Variants in RAP1GAP observed in about 807,000 individuals in gnomAD.
RAP1GAP encodes rap1 GTPase-activating protein 1.
RAP1GAP carries 35 observed loss-of-function variants against 87.2 expected under a neutral mutation model. The ratio of observed to expected loss-of-function variants is 0.40; its 90% CI spans 0.31 to 0.53. The LOEUF is 0.53. RAP1GAP is among the 20% of genes least tolerant of loss of function. RAP1GAP has a pLI of 0.48. For missense variants in RAP1GAP, 734 were observed against 898.9 expected, an observed-to-expected ratio of 0.82 and a Z score of 2.35; for synonymous variants, 375 against 363.9, an observed-to-expected ratio of 1.03 and a Z score of -0.35.
At chr1:21,648,326 G>C (rs1368857859) in intron 2 of RAP1GAP, among the ~76,000 whole-genome samples, 2 of 152,180 alleles carry the variant, frequency 1.3e-5, no homozygotes, top group Non-Finnish European at 2.9e-5. Context: ...CCCTGTCTCT[G>C]AGTCTTCCCT....
rs1308906141 is a variant in RAP1GAP, at chr1:21,617,323, T to C, written c.274A>G (p.Lys92Glu). 6 of 1,581,354 alleles carry C rather than the reference T, an allele frequency of 3.8e-6. No individual in the cohort carries two copies. The highest frequency in any genetic ancestry group is 5.2e-6 in the Non-Finnish European group (6 of 1,163,236). Residue 92 changes from lysine (K) to glutamate (E), a missense_variant, in exon 7 of 25, where the codon AAG (lysine) becomes GAG (glutamate). Around this residue, in one of 2 missense-constraint regions of RAP1GAP, gnomAD observed 485 missense variants for 646.2 expected, o/e 0.75. Transcript: ENST00000374765. ...ECNPTARIYR[K>E]HFLGKEHFNY... ...CCACCCACCTTGCCGAGAAAGTGCT[T>C]CCGGTAGATGCGGGCTGTGGGGTTG...
intron 22 of RAP1GAP, 86 bp downstream of exon 22, chr1:21,598,314 T>G: frequency 8.1e-7 from 1 of 1,236,282 alleles, no homozygotes; most frequent in Non-Finnish European, 1.2e-6. Context: ...ATCCACTGCA[T>G]GGGGCATGGG....
rs1349479579 is a variant in RAP1GAP, at chr1:21,596,339, AG to A, written c.*959del. The A allele has an allele frequency of 6.6e-6, 1 of 152,248 alleles. No individual in the cohort carries two copies. The highest frequency in any genetic ancestry group is 2.4e-5 in the African/African-American group (1 of 41,460). 9.4% of individuals were successfully genotyped at this position (152,248 alleles called of 1,614,324 possible). Reference sequence around the variant, plus strand: ...CTGGCCTTTGGCGTGACGCCTAAAAAGTGTGACCAGACACACAAGGGCTCCC... The same window carrying A: ...CTGGCCTTTGGCGTGACGCCTAAAAATGTGACCAGACACACAAGGGCTCCC... On this transcript the variant is annotated 3_prime_UTR_variant, in exon 25 of 25. Coordinates refer to ENST00000374765, the MANE Select transcript of RAP1GAP (RefSeq NM_002885.4).
chr1:21,611,333 G>A (rs1570640778), intron 13 of RAP1GAP, 119 bp downstream of exon 13: 1 of 1,372,018 alleles, frequency 7.3e-7, no homozygotes, highest in Non-Finnish European at 9.8e-7. Context: ...TGGGGGCGCT[G>A]ATCATTTCCA....
intron 2 of RAP1GAP, among the ~76,000 whole-genome samples, chr1:21,647,715 C>T (rs2128699): frequency 0.66 from 100,220 of 152,094 alleles, 33,218 homozygotes; most frequent in Middle Eastern, 0.77. Context: ...CTGCCATGCT[C>T]TTTCCCCTAC....
chr1:21,637,582 A>G (rs1571133524), intron 2 of RAP1GAP, among the ~76,000 whole-genome samples: 1 of 152,188 alleles, frequency 6.6e-6, no homozygotes, highest in African/African-American at 2.4e-5. Flanking sequence ...TTCTCCAGAA[A>G]TATAACACCA....
intron 2 of RAP1GAP, among the ~76,000 whole-genome samples, chr1:21,640,707 C>T (rs1181446481): frequency 6.6e-6 from 1 of 152,154 alleles, no homozygotes; most frequent in African/African-American, 2.4e-5. Flanking sequence ...GTCTTTGCGC[C>T]AGGTAGATCC....
intron 13 of RAP1GAP, 67 bp from the exon 14 acceptor site, chr1:21,610,342 C>A (rs116251894): frequency 0.039 from 61,470 of 1,575,962 alleles, 1,501 homozygotes; most frequent in Non-Finnish European, 0.044. Context: ...GGGGTGCCCA[C>A]GGGGGTTTAG....
chr1:21,649,647 G>T, intron 2 of RAP1GAP, 114 bp downstream of exon 2: 1 of 1,253,726 alleles, frequency 8.0e-7, no homozygotes, highest in Non-Finnish European at 1.1e-6. Flanking sequence ...CTGAGAGGAT[G>T]GTTGGAAGCT....
intron 7 of RAP1GAP, among the ~76,000 whole-genome samples, chr1:21,614,668 GGGA>G (rs2080814930): frequency 6.6e-6 from 1 of 152,180 alleles, no homozygotes; most frequent in Non-Finnish European, 1.5e-5. Flanking sequence ...GCACAGGGTT[GGGA>G]AGACACCCTG....
Position 21,626,323 on chromosome 1 carries a change from G to A in RAP1GAP, c.-38C>T. On this transcript the variant is annotated 5_prime_UTR_variant, in exon 3 of 25. Coordinates refer to ENST00000374765, the MANE Select transcript of RAP1GAP (RefSeq NM_002885.4). ...ACTTACCTTAGGGTAGAGTGAAGGA[G>A]TATAGGAGGGAACTAAGTTCACTCG... is the stretch of plus-strand genomic sequence containing the variant. 6.2e-7 allele frequency: 1 copy of A among 1,610,114 alleles called. No individual in the cohort carries two copies. Among genetic ancestry groups the A allele is most frequent in the East Asian group, 2.2e-5 (1 of 44,872 alleles).
At chr1:21,601,646 TCCCAAGCC>T (rs779198415) in intron 20 of RAP1GAP, 30 bp downstream of exon 20, 2 of 1,504,744 alleles carry the variant, frequency 1.3e-6, no homozygotes, top group Admixed American at 1.8e-5. Flanking sequence ...GGTTCACCAC[TCCCAAGCC>T]CCCAAGCCCC....
chr1:21,653,499 G>A (rs1406431001), intron 1 of RAP1GAP, among the ~76,000 whole-genome samples: 1 of 152,086 alleles, frequency 6.6e-6, no homozygotes, highest in Non-Finnish European at 1.5e-5. Flanking sequence ...AGGCTCCTGA[G>A]GGGTGGGTCC....
intron 2 of RAP1GAP, among the ~76,000 whole-genome samples, chr1:21,627,474 G>A (rs892664485): frequency 2.1e-5 from 3 of 145,578 alleles, no homozygotes; most frequent in African/African-American, 7.6e-5. Context: ...GCGTGCAAAT[G>A]GCTTGATCTC....
intron 1 of RAP1GAP, among the ~76,000 whole-genome samples, chr1:21,661,748 G>T (rs1055596535): frequency 2.6e-5 from 4 of 152,232 alleles, no homozygotes; most frequent in African/African-American, 9.6e-5. Context: ...CTGGACACGT[G>T]CAAGGACAGC....
rs41307822 is a variant in RAP1GAP at position 21,603,649 on chromosome 1, C to T, written c.1429-736G>A. 2.4e-4 allele frequency: 181 copies of T among 769,524 alleles called. No individual in the cohort carries two copies. Among genetic ancestry groups the T allele is most frequent in the Non-Finnish European group, 3.6e-4 (152 of 427,566 alleles). 47.7% of individuals were successfully genotyped at this position (769,524 alleles called of 1,614,324 possible). On this transcript the variant is annotated intron_variant, in intron 18 of 24. Transcript: ENST00000374765. This position sits in a 1 kb window ranked among gnomAD's most constrained non-coding sequence, Gnocchi z 6.0. The stretch of plus-strand genomic sequence containing the variant: ...CCCTGGTGAGGGGCACTGGCTCTGG[C>T]ACAGGTACCAGGCCCCAAAGCAGGT...
Position 21,651,639 on chromosome 1 carries a change from A to G in RAP1GAP, c.-148-1843T>C, listed in dbSNP as rs772411378. 2.3e-5 allele frequency: 20 copies of G among 852,756 alleles called. 1 individual carries two copies. The highest frequency in any genetic ancestry group is 2.5e-5 in the Non-Finnish European group (13 of 524,990). The allele number at this position is 852,756 out of a possible 1,614,324, so 52.8% of individuals were successfully genotyped here. On this transcript the variant is annotated intron_variant, in intron 1 of 24. Coordinates refer to ENST00000374765, the MANE Select transcript of RAP1GAP (RefSeq NM_002885.4). Reference sequence around the variant, plus strand: ...CAGCACGACAGCCATGCGCGCACTGAGGTCAAACGCTCAGCCCCCACAGCA... The same window carrying G: ...CAGCACGACAGCCATGCGCGCACTGGGGTCAAACGCTCAGCCCCCACAGCA...
chr1:21,619,992 A>G (rs774117107), intron 4 of RAP1GAP, 23 bp downstream of exon 4: 10 of 1,613,230 alleles, frequency 6.2e-6, no homozygotes, highest in South Asian at 1.1e-5. Context: ...GCTCCCCAGA[A>G]CAGGCCACAG....
Position 21,603,371 on chromosome 1 carries a change from C to A in RAP1GAP, c.1429-458G>T. Reference sequence around the variant, plus strand: ...GTTCTGGCCCAGCAGCTGGAAGACTCCCCCAGCTTCCCACACACTGTGCTG... The same window carrying A: ...GTTCTGGCCCAGCAGCTGGAAGACTACCCCAGCTTCCCACACACTGTGCTG... On this transcript the variant is annotated intron_variant, in intron 18 of 24. Transcript: ENST00000374765. This position sits in a 1 kb window ranked among gnomAD's most constrained non-coding sequence, Gnocchi z 6.0. 1 of 449,756 alleles carries A rather than the reference C, an allele frequency of 2.2e-6. No homozygotes were observed. Among genetic ancestry groups the A allele is most frequent in the Non-Finnish European group, 4.0e-6 (1 of 252,528 alleles). 27.9% of individuals were successfully genotyped at this position (449,756 alleles called of 1,614,324 possible).
Sources: allele counts gnomAD v4.1 joint callset (sites outside exome capture counted in the v4.1 genomes callset), GRCh38; gene constraint gnomAD v4.1.1; regional missense constraint gnomAD v4.1.1; non-coding constraint Gnocchi (gnomAD v3.1); transcripts MANE v1.5; gene names NCBI Gene and HGNC (gene_info 2026-07-23, HGNC 2026-07-21).